EXD2: variants seen among roughly 807,000 people sequenced by gnomAD.
EXD2 encodes the protein exonuclease 3'-5' domain-containing protein 2.
A neutral mutation model predicts 62.5 loss-of-function variants in EXD2; 40 were observed. That is an observed-to-expected ratio of 0.64 (90% confidence interval 0.50 to 0.83). EXD2 has a LOEUF of 0.83. Among genes scored for constraint, EXD2 ranks in the 40% least tolerant of loss-of-function variants. The pLI is 0.00. For missense variants in EXD2, 671 were observed against 761.8 expected, an observed-to-expected ratio of 0.88 and a Z score of 1.40; for synonymous variants, 239 against 291.9, an observed-to-expected ratio of 0.82 and a Z score of 1.85.
chr14:69,202,825 G>T (rs553800426), intron 1 of EXD2, among the ~76,000 whole-genome samples: 1 of 152,256 alleles, frequency 6.6e-6, no homozygotes, highest in Admixed American at 6.5e-5. Flanking sequence ...CAGACAAGAT[G>T]AAATTTAGAA....
At chr14:69,194,877 T>C (rs1258986169) in intron 1 of EXD2, among the ~76,000 whole-genome samples, 1 of 152,236 alleles carries the variant, frequency 6.6e-6, no homozygotes, top group Non-Finnish European at 1.5e-5. Context: ...ATTATTAGTT[T>C]CTTTTCCAGA....
intron 3 of EXD2, among the ~76,000 whole-genome samples, chr14:69,220,405 G>A (rs2043144359): frequency 6.7e-6 from 1 of 148,776 alleles, no homozygotes; most frequent in South Asian, 2.1e-4. Flanking sequence ...CGAGTAGCTG[G>A]GACTACAGGC....
At chr14:69,236,233 G>C (rs2043780845) in intron 7 of EXD2, 81 bp downstream of exon 7, 1 of 1,505,302 alleles carries the variant, frequency 6.6e-7, no homozygotes, top group Non-Finnish European at 9.2e-7. Flanking sequence ...ATAAGGAAGA[G>C]GGAGGGATAG....
intron 1 of EXD2, among the ~76,000 whole-genome samples, chr14:69,200,200 A>G (rs2042347251): frequency 6.6e-6 from 1 of 152,214 alleles, no homozygotes; most frequent in African/African-American, 2.4e-5. Context: ...TATTCCAAGC[A>G]TTATTTCAAC....
chr14:69,228,850 T>A lies in EXD2; in HGVS notation c.368T>A (p.Leu123His). 1.2e-6 allele frequency: 2 copies of A among 1,614,116 alleles called. No homozygotes were observed. The highest frequency in any genetic ancestry group is 2.2e-5 in the South Asian group (2 of 91,064). Residue 123 changes from leucine to histidine, a missense_variant, in exon 4 of 10, where the codon CTT becomes CAT. By Grantham distance (99) the Leu-to-His change is moderately conservative. Coordinates refer to ENST00000685843, the MANE Select transcript of EXD2 (RefSeq NM_001193360.2). ...NLEGKASPLS[L>H]LQMASPSGLC... The stretch of plus-strand genomic sequence containing the variant: ...GAAGGCAAAGCCAGCCCTCTGTCAC[T>A]TCTACAAATGGCCTCCCCAAGTGGC...
chr14:69,209,442 T>C lies in EXD2; in HGVS notation c.-29T>C, dbSNP rs2042729384. The C allele has an allele frequency of 2.7e-6, 4 of 1,458,376 alleles. No homozygotes were observed. Among genetic ancestry groups the C allele is most frequent in the Middle Eastern group, 1.8e-4 (1 of 5,590 alleles). 90.3% of individuals were successfully genotyped at this position (1,458,376 alleles called of 1,614,324 possible). A position where few individuals can be genotyped will look rare whatever the true frequency, so the allele number is the denominator to read the frequency against. On this transcript the variant is annotated 5_prime_UTR_variant, in exon 3 of 10. An upstream start codon of the reference 5' UTR is lost. Coordinates refer to ENST00000685843, the MANE Select transcript of EXD2 (RefSeq NM_001193360.2). Reference sequence around the variant, plus strand: ...TTTGCAGATTGTGGGATTAGTGATATGCTTTTCTAAAGAGTAGAAAAGTCG... The same window carrying C: ...TTTGCAGATTGTGGGATTAGTGATACGCTTTTCTAAAGAGTAGAAAAGTCG...
intron 9 of EXD2, among the ~76,000 whole-genome samples, chr14:69,238,138 T>TGTGAG (rs919690961): frequency 3.9e-5 from 6 of 152,252 alleles, no homozygotes; most frequent in African/African-American, 1.4e-4. Flanking sequence ...AACTTGCTTT[T>TGTGAG]GTGAGGTGCC....
chr14:69,199,470 CT>C (rs1320504877), intron 1 of EXD2, among the ~76,000 whole-genome samples: 1 of 152,098 alleles, frequency 6.6e-6, no homozygotes, highest in East Asian at 1.9e-4. Context: ...TTTACTATAA[CT>C]TTTTTATTTT....
intron 1 of EXD2, among the ~76,000 whole-genome samples, chr14:69,198,698 A>C (rs568267776): frequency 4.6e-5 from 7 of 152,354 alleles, no homozygotes; most frequent in African/African-American, 1.7e-4. Flanking sequence ...AACTGTAGTA[A>C]TGGCATCACT....
In EXD2 at chr14:69,242,266, T is replaced by A. The variant is rs945880865; in HGVS notation, c.*1166T>A. ...TTAACAAGCTTAAAAAAGAATTTTATGACCAGAATCCAACAAGAGCTCTAT... is the reference window on the plus strand; with the variant it reads ...TTAACAAGCTTAAAAAAGAATTTTAAGACCAGAATCCAACAAGAGCTCTAT... On this transcript the variant is annotated 3_prime_UTR_variant, in exon 10 of 10. Transcript: ENST00000685843. The A allele has an allele frequency of 2.7e-6, 1 of 377,130 alleles. No homozygotes were observed. Among genetic ancestry groups the A allele is most frequent in the African/African-American group, 2.1e-5 (1 of 48,190 alleles). The allele number at this position is 377,130 out of a possible 1,614,324, so 23.4% of individuals were successfully genotyped here.
chr14:69,235,880 G>A (rs182874046), intron 6 of EXD2, 166 bp from the exon 7 acceptor site: 11 of 682,190 alleles, frequency 1.6e-5, no homozygotes, highest in Admixed American at 1.4e-4. Flanking sequence ...GCCCAGTGCA[G>A]GTGAGGATTA....
intron 3 of EXD2, among the ~76,000 whole-genome samples, chr14:69,219,878 G>A (rs76033737): frequency 0.013 from 2,011 of 152,226 alleles, 42 homozygotes; most frequent in African/African-American, 0.047. Flanking sequence ...AGTAGATGTG[G>A]TGATAGTGGA....
chr14:69,193,390 G>A (rs1336247327), intron 1 of EXD2, among the ~76,000 whole-genome samples: 5 of 152,026 alleles, frequency 3.3e-5, no homozygotes, highest in Admixed American at 6.6e-5. Flanking sequence ...TAATGGTATC[G>A]ATCTTTTTTG....
rs963891068 is a variant in EXD2 at position 69,242,104 on chromosome 14, A to C, written c.*1004A>C. The C allele has an allele frequency of 2.5e-6, 1 of 398,494 alleles. No individual in the cohort carries two copies. Among genetic ancestry groups the C allele is most frequent in the Non-Finnish European group, 4.4e-6 (1 of 226,074 alleles). 24.7% of individuals were successfully genotyped at this position (398,494 alleles called of 1,614,324 possible). On this transcript the variant is annotated 3_prime_UTR_variant, in exon 10 of 10. Coordinates refer to ENST00000685843, the MANE Select transcript of EXD2 (RefSeq NM_001193360.2). ...GAAGCCTGGGACACTGAGCTTACTTAATACATTAGATGTTCAAAAGAGGAG... is the reference window on the plus strand; with the variant it reads ...GAAGCCTGGGACACTGAGCTTACTTCATACATTAGATGTTCAAAAGAGGAG...
chr14:69,227,024 A>G (rs1289339435), intron 3 of EXD2, among the ~76,000 whole-genome samples: 1 of 152,230 alleles, frequency 6.6e-6, no homozygotes, highest in Non-Finnish European at 1.5e-5. Flanking sequence ...CTTTGTATGC[A>G]ACTGTGGCAC....
chr14:69,209,364 C>A, intron 2 of EXD2, 60 bp from the exon 3 acceptor site: 1 of 908,190 alleles, frequency 1.1e-6, no homozygotes, highest in Non-Finnish European at 1.5e-6. Context: ...TAGAGGAAAA[C>A]TTGTTTATGT....
intron 5 of EXD2, among the ~76,000 whole-genome samples, chr14:69,231,244 A>G (rs2140012995): frequency 6.6e-6 from 1 of 152,092 alleles, no homozygotes; most frequent in East Asian, 1.9e-4. Flanking sequence ...CCCATTCCTA[A>G]TCCTTCTTCC....
intron 1 of EXD2, among the ~76,000 whole-genome samples, chr14:69,201,216 T>C (rs2042387307): frequency 6.6e-6 from 1 of 151,922 alleles, no homozygotes; most frequent in African/African-American, 2.4e-5. Context: ...TGTGATGGAG[T>C]CTTACTCTGT....
intron 3 of EXD2, among the ~76,000 whole-genome samples, chr14:69,210,514 T>G (rs2042770300): frequency 6.6e-6 from 1 of 152,184 alleles, no homozygotes; most frequent in South Asian, 2.1e-4. Flanking sequence ...CATATAAAAG[T>G]TATGCTTATG....
Sources: allele counts gnomAD v4.1 joint callset (sites outside exome capture counted in the v4.1 genomes callset), GRCh38; gene constraint gnomAD v4.1.1; transcripts MANE v1.5; gene names NCBI Gene and HGNC (gene_info 2026-07-23, HGNC 2026-07-21).